COPG2: variants seen among roughly 807,000 people sequenced by gnomAD.
COPG2 encodes coat protein complex I subunit gamma 2, also known as coatomer subunit gamma-2.
In COPG2, 37 loss-of-function variants were observed where a neutral mutation model predicts 46.3. The observed-to-expected ratio is 0.80, with a 90% CI of 0.61 to 1.05. The LOEUF (loss-of-function observed/expected upper bound fraction) is 1.05. COPG2 is among the 50% of genes least tolerant of loss of function. The probability of loss-of-function intolerance (pLI) is 0.00; values close to 1 mark genes in which losing one functional copy is unlikely to be tolerated. For missense variants in COPG2, 427 were observed against 387.8 expected (o/e 1.10, Z -0.85); for synonymous variants, 159 against 129.7 (o/e 1.23, Z -1.53).
At chr7:130,609,723 G>A (rs561890572) in intron 9 of COPG2, among the ~76,000 whole-genome samples, 2 of 151,934 alleles carry the variant, frequency 1.3e-5, no homozygotes, top group East Asian at 1.9e-4. Flanking sequence ...CTTCAGTTTG[G>A]ACAATTTCTA....
At chr7:130,535,594 C>T (rs1799870793) in intron 20 of COPG2, among the ~76,000 whole-genome samples, 1 of 129,502 alleles carries the variant, frequency 7.7e-6, no homozygotes, top group Non-Finnish European at 1.6e-5. Context: ...AGGTGTGAAT[C>T]TTGGGCCAGG....
chr7:130,655,839 T>C (rs1554459833), intron 4 of COPG2, among the ~76,000 whole-genome samples: 3 of 152,220 alleles, frequency 2.0e-5, no homozygotes, highest in East Asian at 3.8e-4. Flanking sequence ...GTATTTATAG[T>C]AGCAGGGTAA....
intron 9 of COPG2, chr7:130,610,603 G>A: frequency 3.8e-6 from 2 of 529,140 alleles, no homozygotes; most frequent in South Asian, 2.8e-5. Context: ...ATCACTAAAT[G>A]CAGTACTTCA....
intron 5 of COPG2, among the ~76,000 whole-genome samples, chr7:130,633,331 C>A (rs1395476853): frequency 6.6e-6 from 1 of 152,164 alleles, no homozygotes; most frequent in Non-Finnish European, 1.5e-5. Context: ...CTGTCTTCCA[C>A]AATGGTTGAA....
chr7:130,534,507 T>C (rs1209676327), intron 20 of COPG2, among the ~76,000 whole-genome samples: 1 of 150,676 alleles, frequency 6.6e-6, no homozygotes, highest in Non-Finnish European at 1.5e-5. Context: ...CCAATGGGGG[T>C]GGGGGGCACA....
At chr7:130,565,950 T>G (rs1454592233) in intron 9 of COPG2, among the ~76,000 whole-genome samples, 2 of 152,102 alleles carry the variant, frequency 1.3e-5, no homozygotes, top group East Asian at 1.9e-4. Flanking sequence ...CTGTGTAACA[T>G]GACCAAGGGT....
intron 5 of COPG2, among the ~76,000 whole-genome samples, chr7:130,627,594 T>G (rs1795140539): frequency 6.6e-6 from 1 of 152,160 alleles, no homozygotes; most frequent in African/African-American, 2.4e-5. Flanking sequence ...TACACCCATC[T>G]TGGGCAATTC....
intron 20 of COPG2, chr7:130,509,929 G>A (rs1366514980): frequency 2.1e-6 from 1 of 473,668 alleles, no homozygotes; most frequent in Non-Finnish European, 4.2e-6. Context: ...TTGGCAAGCA[G>A]AGGAAGATGT....
intron 9 of COPG2, among the ~76,000 whole-genome samples, chr7:130,585,661 G>T (rs893565146): frequency 1.3e-5 from 2 of 151,946 alleles, no homozygotes; most frequent in Non-Finnish European, 2.9e-5. Flanking sequence ...CTAAGGAACT[G>T]AATAGACAAT....
Position 130,557,670 on chromosome 7 carries a change from TGGTGGCG to T in COPG2, c.1129-2545_1129-2539del, listed in dbSNP as rs1233880104. Among the ~76,000 whole-genome samples the T allele has an allele frequency of 2.0e-3, 304 of 151,560 alleles. 1 individual carries two copies. Among genetic ancestry groups the T allele is most frequent in the African/African-American group, 6.7e-3 (278 of 41,314 alleles). On this transcript the variant is annotated intron_variant, in intron 12 of 23. Coordinates refer to ENST00000425248, the MANE Select transcript of COPG2 (RefSeq NM_012133.6). The stretch of plus-strand genomic sequence containing the variant: ...AAAGATATAAAAAATTAGCTGGGCA[TGGTGGCG>T]GGTGGCGGGTGCCTGTAATCCCAGC...
At chr7:130,659,181 C>T (rs1430777746) in intron 4 of COPG2, among the ~76,000 whole-genome samples, 1 of 151,468 alleles carries the variant, frequency 6.6e-6, no homozygotes, top group African/African-American at 2.4e-5. Flanking sequence ...CAGTGAAACC[C>T]CGTCTCTACT....
At chr7:130,621,047 T>G (rs1795030738) in intron 5 of COPG2, among the ~76,000 whole-genome samples, 1 of 152,172 alleles carries the variant, frequency 6.6e-6, no homozygotes. Context: ...TAATCACAAG[T>G]GTCCCCATAA....
At chr7:130,594,743 A>G (rs1256789677) in intron 9 of COPG2, among the ~76,000 whole-genome samples, 1 of 152,228 alleles carries the variant, frequency 6.6e-6, no homozygotes, top group African/African-American at 2.4e-5. Flanking sequence ...ATTGGCAATA[A>G]ACACATGAAA....
intron 9 of COPG2, among the ~76,000 whole-genome samples, chr7:130,567,228 A>C (rs1793818905): frequency 6.6e-6 from 1 of 152,218 alleles, no homozygotes; most frequent in Admixed American, 6.5e-5. Context: ...AACAATAGGC[A>C]CTGGAGCCTA....
chr7:130,633,422 T>G (rs1159368974), intron 5 of COPG2, among the ~76,000 whole-genome samples: 2 of 152,234 alleles, frequency 1.3e-5, no homozygotes, highest in African/African-American at 4.8e-5. Flanking sequence ...TCCTGACTTT[T>G]TAATGATCGC....
intron 5 of COPG2, among the ~76,000 whole-genome samples, chr7:130,630,575 A>T (rs1795209707): frequency 6.6e-6 from 1 of 152,190 alleles, no homozygotes; most frequent in Admixed American, 6.5e-5. Flanking sequence ...ATGAGTACTG[A>T]AATTTCCAGC....
At chr7:130,623,784 A>C (rs1244061257) in intron 5 of COPG2, among the ~76,000 whole-genome samples, 1 of 152,128 alleles carries the variant, frequency 6.6e-6, no homozygotes, top group East Asian at 1.9e-4. Flanking sequence ...CAGGAGTTTG[A>C]GGACAGCCTG....
intron 5 of COPG2, among the ~76,000 whole-genome samples, chr7:130,627,223 A>C (rs1554454403): frequency 1.3e-5 from 2 of 152,326 alleles, no homozygotes; most frequent in Middle Eastern, 6.8e-3. Flanking sequence ...GTGGAGTCCT[A>C]ATCAGGGAAA....
chr7:130,590,403 G>A (rs565062159), intron 9 of COPG2, among the ~76,000 whole-genome samples: 46 of 152,348 alleles, frequency 3.0e-4, no homozygotes, highest in African/African-American at 9.1e-4. Flanking sequence ...CTGCAGGTGC[G>A]CGCCGCCACG....
Sources: allele counts gnomAD v4.1 joint callset (sites outside exome capture counted in the v4.1 genomes callset), GRCh38; gene constraint gnomAD v4.1.1; transcripts MANE v1.5; gene names NCBI Gene and HGNC (gene_info 2026-07-23, HGNC 2026-07-21).